Variants in GRHL2 observed in about 807,000 individuals in gnomAD.
GRHL2 encodes grainyhead like transcription factor 2.
GRHL2 carries 21 observed loss-of-function variants against 83.8 expected under a neutral mutation model. The ratio of observed to expected loss-of-function variants is 0.25; its 90% CI spans 0.18 to 0.36. The LOEUF (loss-of-function observed/expected upper bound fraction) is 0.36, where lower values mean the gene tolerates loss of function less well. Among genes scored for constraint, GRHL2 ranks in the 10% least tolerant of loss-of-function variants. GRHL2 has a pLI of 1.00. For missense variants in GRHL2, 623 were observed against 781.8 expected, an observed-to-expected ratio of 0.80 and a Z score of 2.42; for synonymous variants, 280 against 278.9, an observed-to-expected ratio of 1.00 and a Z score of -0.04.
chr8:101,545,870 A>ATTTTTTTTTTTTTTTTTTTTT (rs1174568425), intron 2 of GRHL2, among the ~76,000 whole-genome samples: 1 of 83,620 alleles, frequency 1.2e-5, no homozygotes, highest in Non-Finnish European at 2.4e-5. Context: ...TCTTTGTAAC[A>ATTTTTTTTTTTTTTTTTTTTT]TTTTTTTTTT....
At chr8:101,636,985 T>C in intron 12 of GRHL2, 57 bp downstream of exon 12, 1 of 1,486,900 alleles carries the variant, frequency 6.7e-7, no homozygotes, top group Admixed American at 1.7e-5. Flanking sequence ...TCAGTGGTAA[T>C]GGCTCTTCCA....
At chr8:101,662,468 T>A (rs1813942270) in intron 14 of GRHL2, among the ~76,000 whole-genome samples, 1 of 152,200 alleles carries the variant, frequency 6.6e-6, no homozygotes, top group Non-Finnish European at 1.5e-5. Context: ...TAGAGTGAAC[T>A]CTTCTTAGGA....
rs1437729501 is a variant in GRHL2 at position 101,543,452 on chromosome 8, C to T, written c.216+16C>T. 5 of 1,611,662 alleles carry T rather than the reference C, an allele frequency of 3.1e-6. No homozygotes were observed. In the South Asian group the frequency reaches 5.5e-5, roughly 18 times the overall value. On this transcript the variant is annotated intron_variant, in intron 2 of 15. Coordinates refer to ENST00000646743, the MANE Select transcript of GRHL2 (RefSeq NM_024915.4). ...CTACTACAAGGTAGGTCCCCAGCCT[C>T]CACTTTTCTCTTCTTCCTGCTCCAG...
At chr8:101,658,307 G>T (rs74903437) in intron 14 of GRHL2, among the ~76,000 whole-genome samples, 3,365 of 152,264 alleles carry the variant, frequency 0.022, 127 homozygotes, top group African/African-American at 0.075. Flanking sequence ...TTCTCTAGCA[G>T]TTGAGAATCT....
chr8:101,586,091 G>C (rs1195731918), intron 7 of GRHL2, among the ~76,000 whole-genome samples: 1 of 32,968 alleles, frequency 3.0e-5, no homozygotes, highest in Admixed American at 3.3e-4. Context: ...TTTTTTTTTT[G>C]AGACGGAGTC....
intron 12 of GRHL2, 58 bp downstream of exon 12, chr8:101,636,986 G>A: frequency 6.8e-7 from 1 of 1,462,130 alleles, no homozygotes. Flanking sequence ...CAGTGGTAAT[G>A]GCTCTTCCAG....
chr8:101,580,296 T>C (rs1423105382), intron 7 of GRHL2, among the ~76,000 whole-genome samples: 1 of 152,234 alleles, frequency 6.6e-6, no homozygotes, highest in Non-Finnish European at 1.5e-5. Context: ...TTACCATTTC[T>C]TTGTGTTCAG....
the GRHL2 span, among the ~76,000 whole-genome samples, chr8:101,675,453 T>C: frequency 4.6e-5 from 7 of 152,062 alleles, no homozygotes; most frequent in Non-Finnish European, 8.8e-5. Flanking sequence ...TGAACTCCCA[T>C]TCACAACTGC....
rs994920691 is a variant in GRHL2, at chr8:101,669,438, G to A, written c.*2735G>A. ...AGGCATGTCCCTGCCCAGAAACTTA[G>A]GAAGCATGAAATAAATCAAATGTTT... is the stretch of plus-strand genomic sequence containing the variant. On this transcript the variant is annotated 3_prime_UTR_variant, in exon 16 of 16. Transcript: ENST00000646743. The A allele has an allele frequency of 6.6e-6, 1 of 152,174 alleles. No individual in the cohort carries two copies. The highest frequency in any genetic ancestry group is 6.6e-5 in the Admixed American group (1 of 15,248). The allele number at this position is 152,174 out of a possible 1,614,324, so 9.4% of individuals were successfully genotyped here.
intron 1 of GRHL2, among the ~76,000 whole-genome samples, chr8:101,531,559 C>T (rs1810929880): frequency 6.6e-6 from 1 of 151,374 alleles, no homozygotes; most frequent in Non-Finnish European, 1.5e-5. Context: ...TTTTGATTTA[C>T]ACACACACAC....
At chr8:101,596,379 T>G (rs576521368) in intron 7 of GRHL2, among the ~76,000 whole-genome samples, 1 of 152,308 alleles carries the variant, frequency 6.6e-6, no homozygotes, top group African/African-American at 2.4e-5. Flanking sequence ...CAAAATGAAT[T>G]AAAAGCCTTA....
chr8:101,656,810 T>C (rs1813796690), intron 14 of GRHL2, among the ~76,000 whole-genome samples: 1 of 152,082 alleles, frequency 6.6e-6, no homozygotes, highest in Admixed American at 6.5e-5. Context: ...TAAATTAATA[T>C]ATACTGGGTG....
chr8:101,586,089 T>TTTC (rs1289272635), intron 7 of GRHL2, among the ~76,000 whole-genome samples: 2 of 136,666 alleles, frequency 1.5e-5, no homozygotes, highest in Admixed American at 1.5e-4. Context: ...TTTTTTTTTT[T>TTTC]TGAGACGGAG....
chr8:101,503,650 A>G (rs1212500953), intron 1 of GRHL2, among the ~76,000 whole-genome samples: 1 of 152,216 alleles, frequency 6.6e-6, no homozygotes, highest in Admixed American at 6.5e-5. Flanking sequence ...CATGATTTTT[A>G]AAAGTGAAAA....
At position 101,573,840 on chromosome 8, in the gene GRHL2, C is replaced by G; in HGVS notation, c.891+16C>G. 8.7e-6 allele frequency: 14 copies of G among 1,614,030 alleles called. No homozygotes were observed. Among genetic ancestry groups the G allele is most frequent in the Non-Finnish European group, 1.2e-5 (14 of 1,179,936 alleles). On this transcript the variant is annotated intron_variant, in intron 6 of 15. Coordinates refer to ENST00000646743, the MANE Select transcript of GRHL2 (RefSeq NM_024915.4). ...CAAAGTCAGGGTAGGGGCCACATTT[C>G]TCAGATAAAGTACAAAGGAATCCGA...
At chr8:101,620,455 G>A (rs1812942452) in intron 9 of GRHL2, among the ~76,000 whole-genome samples, 1 of 152,198 alleles carries the variant, frequency 6.6e-6, no homozygotes, top group African/African-American at 2.4e-5. Flanking sequence ...CCTCATCTAG[G>A]ACTTTTTGGA....
chr8:101,656,873 G>GACACACACACACACAC (rs35693999), intron 14 of GRHL2, among the ~76,000 whole-genome samples: 4,741 of 147,296 alleles, frequency 0.032, 112 homozygotes, highest in African/African-American at 0.064. Flanking sequence ...GTGTCTAACA[G>GACACACACACACACAC]ACACACACAC....
chr8:101,571,158 G>A (rs143079246), intron 5 of GRHL2, among the ~76,000 whole-genome samples: 2 of 152,314 alleles, frequency 1.3e-5, no homozygotes, highest in Non-Finnish European at 1.5e-5. Context: ...TATATAAAGA[G>A]CTAAATGGAC....
chr8:101,579,908 G>A lies in GRHL2; in HGVS notation c.1003+2389G>A, dbSNP rs187538205. Among the ~76,000 whole-genome samples, 408 of 152,318 alleles carry A rather than the reference G, an allele frequency of 2.7e-3. 1 individual carries two copies. Among genetic ancestry groups the A allele is most frequent in the Non-Finnish European group, 4.0e-3 (270 of 68,012 alleles). ...GAGGGTGAAGGAAGGCAGAGAGTGC[G>A]TGGGCCGTACATTTGCTAGTTTTGG... On this transcript the variant is annotated intron_variant, in intron 7 of 15. Transcript: ENST00000646743.
Sources: gnomAD v4.1 joint callset for allele counts (sites outside exome capture counted in the v4.1 genomes callset) on GRCh38, gnomAD v4.1.1 for gene constraint, MANE v1.5 for transcripts, NCBI Gene and HGNC (gene_info 2026-07-23, HGNC 2026-07-21) for gene names.